MBOAT2: variants seen among roughly 807,000 people sequenced by gnomAD.
MBOAT2 encodes the protein membrane-bound glycerophospholipid O-acyltransferase 2.
Under a neutral mutation model 63.4 loss-of-function variants are expected in MBOAT2, and 28 were observed. The observed-to-expected ratio is 0.44, with a 90% confidence interval of 0.33 to 0.61. The LOEUF is 0.61. MBOAT2 is among the 20% of genes least tolerant of loss of function. The pLI is 0.03. For missense variants in MBOAT2, 470 were observed against 605.8 expected (o/e 0.78, Z 2.35); for synonymous variants, 211 against 215.6 (o/e 0.98, Z 0.19).
chr2:8,871,691 A>C (rs1270635456), intron 8 of MBOAT2, among the ~76,000 whole-genome samples: 1 of 152,202 alleles, frequency 6.6e-6, no homozygotes, highest in Non-Finnish European at 1.5e-5. Flanking sequence ...GGTTACAGCA[A>C]CTTTTAATGA....
chr2:8,994,748 AG>A (rs1672151579), intron 1 of MBOAT2, among the ~76,000 whole-genome samples: 1 of 152,336 alleles, frequency 6.6e-6, no homozygotes, highest in Admixed American at 6.5e-5. Flanking sequence ...ATACCCAAAA[AG>A]GGAGGAAAGG....
intron 1 of MBOAT2, among the ~76,000 whole-genome samples, chr2:8,967,629 T>G (rs1670090050): frequency 6.6e-6 from 1 of 152,154 alleles, no homozygotes; most frequent in African/African-American, 2.4e-5. Flanking sequence ...GCCAGAAAAT[T>G]TATGACCTTC....
At chr2:8,947,089 C>T (rs1446283980) in intron 2 of MBOAT2, among the ~76,000 whole-genome samples, 4 of 152,216 alleles carry the variant, frequency 2.6e-5, no homozygotes, top group Non-Finnish European at 5.9e-5. Context: ...AGTGCTACTC[C>T]ACTGAACACA....
At chr2:8,992,413 G>A (rs900723571) in intron 1 of MBOAT2, among the ~76,000 whole-genome samples, 15 of 152,094 alleles carry the variant, frequency 9.9e-5, no homozygotes, top group East Asian at 1.9e-4. Context: ...CTAGGATTAC[G>A]GGCATGAGCT....
intron 8 of MBOAT2, 126 bp from the exon 9 acceptor site, chr2:8,868,675 T>A: frequency 2.6e-6 from 2 of 769,844 alleles, no homozygotes; most frequent in Non-Finnish European, 4.1e-6. Flanking sequence ...TTCTGATTTT[T>A]AAGTCAGAAA....
chr2:8,908,356 G>C, intron 4 of MBOAT2: 1 of 304,874 alleles, frequency 3.3e-6, no homozygotes, highest in Non-Finnish European at 6.0e-6. Context: ...CCTTCTCTAG[G>C]AAACTCAGAC....
chr2:8,902,887 G>A (rs1301456184), intron 4 of MBOAT2, among the ~76,000 whole-genome samples: 1 of 152,198 alleles, frequency 6.6e-6, no homozygotes, highest in Non-Finnish European at 1.5e-5. Flanking sequence ...GCTGGCTCGG[G>A]TGGCCTGCTT....
intron 3 of MBOAT2, among the ~76,000 whole-genome samples, chr2:8,923,594 G>C (rs975414594): frequency 2.0e-5 from 3 of 151,968 alleles, no homozygotes; most frequent in Non-Finnish European, 4.4e-5. Context: ...CTCTTTCTTT[G>C]CTACAATACC....
intron 3 of MBOAT2, among the ~76,000 whole-genome samples, chr2:8,930,884 T>C (rs1667271933): frequency 6.6e-6 from 1 of 152,142 alleles, no homozygotes; most frequent in Non-Finnish European, 1.5e-5. Flanking sequence ...AATCTAACAC[T>C]GGCTACCTGC....
In MBOAT2 at chr2:8,943,193, A is replaced by G; in HGVS notation, c.293T>C (p.Met98Thr). The G allele has an allele frequency of 1.9e-6, 3 of 1,545,678 alleles. No individual in the cohort carries two copies. Among genetic ancestry groups the G allele is most frequent in the South Asian group, 1.3e-5 (1 of 79,356 alleles). Residue 98 changes from methionine (M) to threonine (T), a missense_variant, in exon 3 of 13, where the codon ATG becomes ACG. Physicochemically the swap from Met to Thr is moderately conservative, Grantham distance 81. Coordinates refer to ENST00000305997, the MANE Select transcript of MBOAT2 (RefSeq NM_138799.4). Reference sequence around the variant, plus strand: ...GAACAAAGTGAATACTTACTTGTGCATGTTCTCCACTCCTATGATGATCAT... The same window carrying G: ...GAACAAAGTGAATACTTACTTGTGCGTGTTCTCCACTCCTATGATGATCAT... Reference protein sequence around the residue: ...CIMIIIGVENMHNYCFVFALG... With the variant: ...CIMIIIGVENTHNYCFVFALG...
chr2:8,955,810 A>G (rs548678765), intron 2 of MBOAT2, among the ~76,000 whole-genome samples: 1 of 152,354 alleles, frequency 6.6e-6, no homozygotes, highest in African/African-American at 2.4e-5. Flanking sequence ...CCTTATTTTT[A>G]GAATTTGCCA....
chr2:9,000,306 C>A (rs1392117342), intron 1 of MBOAT2, among the ~76,000 whole-genome samples: 1 of 152,094 alleles, frequency 6.6e-6, no homozygotes, highest in African/African-American at 2.4e-5. Flanking sequence ...CATAAGATTT[C>A]TCTCAACTTG....
chr2:8,953,830 C>G (rs1292043698), intron 2 of MBOAT2, among the ~76,000 whole-genome samples: 1 of 152,170 alleles, frequency 6.6e-6, no homozygotes, highest in African/African-American at 2.4e-5. Flanking sequence ...TCCTGGATTG[C>G]CTTAGAAGTT....
At chr2:8,927,858 A>G (rs1237066069) in intron 3 of MBOAT2, among the ~76,000 whole-genome samples, 1 of 152,182 alleles carries the variant, frequency 6.6e-6, no homozygotes, top group Non-Finnish European at 1.5e-5. Flanking sequence ...TGCTGCTACA[A>G]AGAAATATCT....
At chr2:8,995,881 G>A (rs560837508) in intron 1 of MBOAT2, among the ~76,000 whole-genome samples, 5 of 152,268 alleles carry the variant, frequency 3.3e-5, no homozygotes, top group East Asian at 3.9e-4. Context: ...GTGAGCCATC[G>A]CGCCCGGCCT....
chr2:9,003,026 C>T lies in MBOAT2; in HGVS notation c.75+514G>A, dbSNP rs1041613287. Among the ~76,000 whole-genome samples the T allele has an allele frequency of 6.6e-6, 1 of 152,176 alleles. No homozygotes were observed. On this transcript the variant is annotated intron_variant, in intron 1 of 12. Coordinates refer to ENST00000305997, the MANE Select transcript of MBOAT2 (RefSeq NM_138799.4). This position sits in a 1 kb window ranked among gnomAD's most constrained non-coding sequence, Gnocchi z 5.4. Reference sequence around the variant, plus strand: ...CTTAAGCCTCTCCGGGCCCCTAGCACCCATCGACGCCGTCTCTAAGGCACC... The same window carrying T: ...CTTAAGCCTCTCCGGGCCCCTAGCATCCATCGACGCCGTCTCTAAGGCACC...
intron 1 of MBOAT2, among the ~76,000 whole-genome samples, chr2:8,981,007 T>C (rs75849010): frequency 0.049 from 7,440 of 152,278 alleles, 183 homozygotes; most frequent in Middle Eastern, 0.058. Flanking sequence ...TAATGAAATA[T>C]TATTTGGCAA....
chr2:8,985,235 T>C (rs1671480495), intron 1 of MBOAT2, among the ~76,000 whole-genome samples: 1 of 152,196 alleles, frequency 6.6e-6, no homozygotes, highest in Non-Finnish European at 1.5e-5. Context: ...AAAAATGATC[T>C]ACCTTTTACC....
At chr2:8,900,245 A>T (rs907885722) in intron 4 of MBOAT2, among the ~76,000 whole-genome samples, 1 of 152,154 alleles carries the variant, frequency 6.6e-6, no homozygotes, top group Non-Finnish European at 1.5e-5. Context: ...ACCAGTAGGG[A>T]ATTTGTCCCT....
Sources: allele counts gnomAD v4.1 joint callset (sites outside exome capture counted in the v4.1 genomes callset), GRCh38; gene constraint gnomAD v4.1.1; non-coding constraint Gnocchi (gnomAD v3.1); transcripts MANE v1.5; gene names NCBI Gene and HGNC (gene_info 2026-07-23, HGNC 2026-07-21).